SPG11: variants seen among roughly 807,000 people sequenced by gnomAD.
SPG11 encodes the protein spatacsin.
In SPG11, 222 loss-of-function variants were observed where a neutral mutation model predicts 274.0. The observed-to-expected ratio is 0.81, with a 90% confidence interval of 0.73 to 0.91. The LOEUF is 0.91. Among genes scored for constraint, SPG11 ranks in the 40% least tolerant of loss-of-function variants. The pLI, the probability that SPG11 is intolerant of heterozygous loss-of-function variation, is 0.00. For synonymous variants in SPG11, 1,144 were observed against 1,039.7 expected, an observed-to-expected ratio of 1.10 and a Z score of -1.93; for missense variants, 3,114 against 2,872.7, an observed-to-expected ratio of 1.08 and a Z score of -1.92.
intron 29 of SPG11, 91 bp downstream of exon 29, chr15:44,585,545 C>T (rs374443866): frequency 4.9e-5 from 51 of 1,031,864 alleles, no homozygotes; most frequent in Middle Eastern, 6.2e-4. Context: ...GAGCTTGCAG[C>T]GAGCGGAGAT....
intron 36 of SPG11, 93 bp from the exon 37 acceptor site, chr15:44,566,398 T>A: frequency 2.3e-6 from 3 of 1,278,112 alleles, no homozygotes; most frequent in Non-Finnish European, 3.4e-6. Flanking sequence ...AATAGAAACA[T>A]CCCAGCCATG....
rs1408459133 is a variant in SPG11, at chr15:44,648,939, C to T, written c.1529G>A (p.Ser510Asn). ...EFLNRLMIHG[S>N]ASTVDTLCHL... ...ACAAAGAGTGTCCACAGTGCTGGCA[C>T]TTCCATGGATCATGAGTCTGTTTAA... Residue 510 changes from serine to asparagine, a missense_variant, in exon 7 of 40, where the codon AGT becomes AAT. Ser to Asn is a conservative substitution (Grantham distance 46, BLOSUM62 1). Transcript: ENST00000261866. The T allele has an allele frequency of 1.4e-5, 22 of 1,614,042 alleles. No individual in the cohort carries two copies. Among genetic ancestry groups the T allele is most frequent in the Non-Finnish European group, 1.8e-5 (21 of 1,179,912 alleles).
intron 3 of SPG11, 35 bp from the exon 4 acceptor site, chr15:44,657,331 G>GT: frequency 6.3e-7 from 1 of 1,589,262 alleles, no homozygotes; most frequent in Non-Finnish European, 8.6e-7. Context: ...TGCCAGTTTT[G>GT]TAAGTATGCC....
At chr15:44,590,961 C>T (rs1291997063) in intron 27 of SPG11, 1 of 152,152 alleles carries the variant, frequency 6.6e-6, no homozygotes, top group Non-Finnish European at 1.5e-5. Context: ...ATGGAATTCT[C>T]AAGACTGCCA....
chr15:44,574,505 G>A (rs2082492909), intron 31 of SPG11, among the ~76,000 whole-genome samples: 1 of 152,084 alleles, frequency 6.6e-6, no homozygotes, highest in African/African-American at 2.4e-5. Flanking sequence ...CAGCGCAAAG[G>A]TACAGACGAT....
chr15:44,585,430 C>CAAAAA (rs67858533), intron 29 of SPG11, among the ~76,000 whole-genome samples: 2 of 97,290 alleles, frequency 2.1e-5, no homozygotes, highest in Admixed American at 1.3e-4. Flanking sequence ...ACTAAAAATA[C>CAAAAA]AAAAAAAAAA....
chr15:44,652,626 G>A (rs551918974), intron 4 of SPG11, among the ~76,000 whole-genome samples: 19 of 151,790 alleles, frequency 1.3e-4, no homozygotes, highest in African/African-American at 4.6e-4. Context: ...CTTTGAAACA[G>A]ACTAATGTGA....
chr15:44,627,696 T>C (rs2141041138), intron 10 of SPG11, among the ~76,000 whole-genome samples: 1 of 152,066 alleles, frequency 6.6e-6, no homozygotes, highest in South Asian at 2.1e-4. Context: ...TTCAAGCAAT[T>C]CTCCTGCCTC....
At chr15:44,579,111 T>TTGCACCACTGCACTCCAGC (rs1345781708) in intron 30 of SPG11, among the ~76,000 whole-genome samples, 1 of 151,690 alleles carries the variant, frequency 6.6e-6, no homozygotes, top group East Asian at 1.9e-4. Context: ...TGAGCTGAGA[T>TTGCACCACTGCACTCCAGC]TGCACCACTG....
rs778447918 is a variant in SPG11, at chr15:44,626,333, T to C, written c.2242A>G (p.Met748Val). ...ACTTTATGGATTACACCACTCACCA[T>C]ATTCTTCAAAAGTTCAGAGGCTTCC... ...IKEASELLKN[M>V]GFDVKGQLLK... Residue 748 changes from methionine (M) to valine (V), a missense_variant and splice_region_variant, in exon 11 of 40, where the codon ATG (methionine) becomes GTG (valine). Met to Val is a conservative substitution (Grantham distance 21, BLOSUM62 1). Coordinates refer to ENST00000261866, the MANE Select transcript of SPG11 (RefSeq NM_025137.4). 26 of 1,610,702 alleles carry C rather than the reference T, an allele frequency of 1.6e-5. 2 individuals carry two copies. The South Asian group carries it at 2.9e-4, about 18-fold the overall frequency.
chr15:44,651,434 C>T (rs2084771975), intron 6 of SPG11, 57 bp downstream of exon 6: 2 of 1,477,982 alleles, frequency 1.4e-6, no homozygotes, highest in South Asian at 1.2e-5. Flanking sequence ...AAGTAAAATA[C>T]AGTAGGAAAG....
intron 14 of SPG11, 131 bp from the exon 15 acceptor site, chr15:44,620,534 C>T: frequency 1.4e-6 from 1 of 726,148 alleles, no homozygotes; most frequent in Non-Finnish European, 2.2e-6. Context: ...TATTCAGGTC[C>T]TCTGTTTTAC....
chr15:44,574,870 CAG>C (rs755020722), intron 31 of SPG11, 30 bp downstream of exon 31: 3 of 1,612,920 alleles, frequency 1.9e-6, no homozygotes, highest in Non-Finnish European at 2.5e-6. Context: ...CCCTCCCTCT[CAG>C]AAAGAGGAGC....
At chr15:44,576,586 T>C (rs2082543861) in intron 30 of SPG11, among the ~76,000 whole-genome samples, 1 of 150,714 alleles carries the variant, frequency 6.6e-6, no homozygotes, top group South Asian at 2.1e-4. Context: ...GAGGTGGAGC[T>C]TGCAGTGAGT....
intron 33 of SPG11, among the ~76,000 whole-genome samples, chr15:44,571,496 CTTTTTTTTTT>C (rs796235342): frequency 2.4e-5 from 3 of 126,134 alleles, no homozygotes; most frequent in Non-Finnish European, 5.1e-5. Context: ...AATTTCTTTT[CTTTTTTTTTT>C]TTTTTTTTTG....
At chr15:44,606,165 G>T (rs1595873093) in intron 19 of SPG11, 74 bp from the exon 20 acceptor site, 2 of 1,304,054 alleles carry the variant, frequency 1.5e-6, no homozygotes, top group East Asian at 5.0e-5. Context: ...TTATATGAAA[G>T]GACTTCAGAG....
At chr15:44,622,435 G>A (rs2083779767) in intron 12 of SPG11, 88 bp from the exon 13 acceptor site, 1 of 1,090,026 alleles carries the variant, frequency 9.2e-7, no homozygotes, top group African/African-American at 1.6e-5. Context: ...ATAAGGTAGT[G>A]CTGGGAATTA....
intron 1 of SPG11, among the ~76,000 whole-genome samples, chr15:44,661,293 C>A (rs1302610325): frequency 4.6e-5 from 7 of 152,132 alleles, no homozygotes; most frequent in African/African-American, 1.7e-4. Context: ...ACAACACTGG[C>A]AAGACTGATG....
rs746453994 is a variant in SPG11 at position 44,563,111 on chromosome 15, A to G, written c.*10T>C. On this transcript the variant is annotated 3_prime_UTR_variant, in exon 40 of 40. Coordinates refer to ENST00000261866, the MANE Select transcript of SPG11 (RefSeq NM_025137.4). ...TAACAGTACAAGAAAACAGACACCT[A>G]TGAAATCATCTAACCTGCTAGCATG... 23 of 1,613,616 alleles carry G rather than the reference A, an allele frequency of 1.4e-5. No individual in the cohort carries two copies. In the East Asian group the frequency reaches 3.1e-4, roughly 22 times the overall value.
Sources: gnomAD v4.1 joint callset for allele counts (sites outside exome capture counted in the v4.1 genomes callset) on GRCh38, gnomAD v4.1.1 for gene constraint, MANE v1.5 for transcripts, NCBI Gene and HGNC (gene_info 2026-07-23, HGNC 2026-07-21) for gene names.